GNG7: variants seen among roughly 807,000 people sequenced by gnomAD.
The protein encoded by GNG7 is guanine nucleotide-binding protein G(I)/G(S)/G(O) subunit gamma-7.
GNG7 carries 1 observed loss-of-function variant against 4.0 expected under a neutral mutation model. The observed-to-expected ratio is 0.25, with a 90% CI of 0.09 to 1.18. GNG7 has a LOEUF of 1.18. GNG7 is among the 50% of genes most tolerant of loss of function. The pLI is 0.50. For missense variants in GNG7, 86 were observed against 91.9 expected (o/e 0.94, Z 0.26); for synonymous variants, 34 against 36.9 (o/e 0.92, Z 0.29).
rs764093639 is a variant in GNG7, at chr19:2,626,207, G to A, written c.-78+20017C>T. Among the ~76,000 whole-genome samples, 32 of 152,118 alleles carry A rather than the reference G, an allele frequency of 2.1e-4. No homozygotes were observed. Among genetic ancestry groups the A allele is most frequent in the Non-Finnish European group, 4.0e-4 (27 of 68,024 alleles). On this transcript the variant is annotated intron_variant, in intron 2 of 4. Transcript: ENST00000382159. This position sits in a 1 kb window ranked among gnomAD's most constrained non-coding sequence, Gnocchi z 5.0. Reference sequence around the variant, plus strand: ...GCCCACCTGACCCCGTGTCTCCAGCGGGAACGTGAAGCTGATGCTGCTCCC... The same window carrying A: ...GCCCACCTGACCCCGTGTCTCCAGCAGGAACGTGAAGCTGATGCTGCTCCC...
At chr19:2,665,756 C>A (rs1467390817) in intron 1 of GNG7, among the ~76,000 whole-genome samples, 1 of 152,198 alleles carries the variant, frequency 6.6e-6, no homozygotes, top group South Asian at 2.1e-4. Flanking sequence ...TTGGAGATTA[C>A]ATAAATGAGT....
chr19:2,614,412 C>A lies in GNG7; in HGVS notation c.-78+31812G>T, dbSNP rs1324008913. Among the ~76,000 whole-genome samples, 3 of 152,130 alleles carry A rather than the reference C, an allele frequency of 2.0e-5. No homozygotes were observed. The highest frequency in any genetic ancestry group is 2.9e-5 in the Non-Finnish European group (2 of 68,004). On this transcript the variant is annotated intron_variant, in intron 2 of 4. Coordinates refer to ENST00000382159, the MANE Select transcript of GNG7 (RefSeq NM_052847.3). The surrounding 1 kb of genome is among the most constrained non-coding windows in gnomAD (Gnocchi z 6.0). The stretch of plus-strand genomic sequence containing the variant: ...TAGCTCTAGAACATTCTCAGCCCCC[C>A]AAAAAGACACCCCATCCCTATCAGC...
intron 1 of GNG7, among the ~76,000 whole-genome samples, chr19:2,679,376 T>C (rs1339618513): frequency 6.6e-6 from 1 of 152,068 alleles, no homozygotes; most frequent in East Asian, 1.9e-4. Flanking sequence ...ACATAATATA[T>C]TGAATAATAT....
chr19:2,640,808 T>C (rs1387863488), intron 2 of GNG7, among the ~76,000 whole-genome samples: 3 of 152,124 alleles, frequency 2.0e-5, no homozygotes, highest in Admixed American at 2.0e-4. Context: ...TTTAATTTTT[T>C]TGTAGAGATG....
At chr19:2,698,216 G>T (rs1449457113) in intron 1 of GNG7, among the ~76,000 whole-genome samples, 1 of 145,794 alleles carries the variant, frequency 6.9e-6, no homozygotes, top group Non-Finnish European at 1.5e-5. Context: ...GCAGTGAGCC[G>T]AGATCGCACC....
intron 2 of GNG7, among the ~76,000 whole-genome samples, chr19:2,590,032 G>A (rs1409598884): frequency 1.3e-5 from 2 of 152,116 alleles, no homozygotes; most frequent in South Asian, 2.1e-4. Flanking sequence ...GGCTGGTCTC[G>A]AACTCCTGAC....
At position 2,546,558 on chromosome 19, in the gene GNG7, T is replaced by C. The variant is rs887446801; in HGVS notation, c.-38+8591A>G. On this transcript the variant is annotated intron_variant, in intron 3 of 4. Transcript: ENST00000382159. This position sits in a 1 kb window ranked among gnomAD's most constrained non-coding sequence, Gnocchi z 6.3. ...GCTAAATCGGTCCCCGGGGCAGCTA[T>C]ATTTAGAAGGGGCTAAAGAGAGGGA... is the stretch of plus-strand genomic sequence containing the variant. Among the ~76,000 whole-genome samples, 3 of 152,106 alleles carry C rather than the reference T, an allele frequency of 2.0e-5. No individual in the cohort carries two copies. The highest frequency in any genetic ancestry group is 7.2e-5 in the African/African-American group (3 of 41,428).
At chr19:2,684,017 T>C (rs1462146077) in intron 1 of GNG7, among the ~76,000 whole-genome samples, 1 of 152,002 alleles carries the variant, frequency 6.6e-6, no homozygotes, top group East Asian at 1.9e-4. Context: ...AGCAAGTCTA[T>C]GGGTTTAAAA....
intron 2 of GNG7, among the ~76,000 whole-genome samples, chr19:2,581,295 TG>T (rs1312203610): frequency 3.3e-4 from 7 of 21,074 alleles, no homozygotes; most frequent in Admixed American, 2.0e-3. Context: ...GACAGACTGA[TG>T]GGGGGGGCCG....
chr19:2,567,175 A>C (rs549844707), intron 2 of GNG7, among the ~76,000 whole-genome samples: 2 of 151,834 alleles, frequency 1.3e-5, no homozygotes, highest in South Asian at 2.1e-4. Context: ...ATAACAAAAA[A>C]CCCACACTGT....
intron 1 of GNG7, among the ~76,000 whole-genome samples, chr19:2,658,192 T>C (rs1021214549): frequency 2.6e-5 from 4 of 152,166 alleles, no homozygotes; most frequent in African/African-American, 7.2e-5. Flanking sequence ...ACAGACCCTA[T>C]AGGGCTGGAC....
rs766555405 is a variant in GNG7, at chr19:2,514,985, AAAGAG to A, written c.*32_*36del. The A allele has an allele frequency of 2.9e-5, 39 of 1,342,562 alleles. No individual in the cohort carries two copies. The highest frequency in any genetic ancestry group is 3.8e-5 in the Non-Finnish European group (36 of 959,128). The allele number at this position is 1,342,562 out of a possible 1,614,324, so 83.2% of individuals were successfully genotyped here. ...GACAGAGACAGAGAGAGAGAGAGAG[AAAGAG>A]AGAGAGAGAGAGAGAACATATGAGA... is the stretch of plus-strand genomic sequence containing the variant. On this transcript the variant is annotated 3_prime_UTR_variant, in exon 5 of 5. Coordinates refer to ENST00000382159, the MANE Select transcript of GNG7 (RefSeq NM_052847.3).
intron 1 of GNG7, among the ~76,000 whole-genome samples, chr19:2,671,618 G>A (rs1238920065): frequency 6.6e-6 from 1 of 152,018 alleles, no homozygotes; most frequent in African/African-American, 2.4e-5. Context: ...CGGGTAGCAT[G>A]CGGAGCCCCA....
chr19:2,701,484 TTTCTG>T (rs1395617863), intron 1 of GNG7, among the ~76,000 whole-genome samples: 1 of 65,520 alleles, frequency 1.5e-5, no homozygotes, highest in Non-Finnish European at 2.9e-5. Context: ...CCCCAGACCC[TTTCTG>T]GAACAAGCCT....
At position 2,629,699 on chromosome 19, in the gene GNG7, C is replaced by T. The variant is rs539512019; in HGVS notation, c.-78+16525G>A. Among the ~76,000 whole-genome samples the T allele has an allele frequency of 4.6e-5, 7 of 152,284 alleles. No individual in the cohort carries two copies. The South Asian group carries it at 6.2e-4, about 14-fold the overall frequency. ...GATTGGAACCTGGCACCCACATCAA[C>T]GGTCAAAGTCTAGATGGTTTTGTTT... On this transcript the variant is annotated intron_variant, in intron 2 of 4. Coordinates refer to ENST00000382159, the MANE Select transcript of GNG7 (RefSeq NM_052847.3).
At chr19:2,595,396 T>G (rs1031174640) in intron 2 of GNG7, 1 of 151,822 alleles carries the variant, frequency 6.6e-6, no homozygotes, top group South Asian at 2.1e-4. Flanking sequence ...CCTCCCAAAG[T>G]GCTGGGATTA....
At chr19:2,565,903 A>G (rs1225285992) in intron 2 of GNG7, among the ~76,000 whole-genome samples, 1 of 152,178 alleles carries the variant, frequency 6.6e-6, no homozygotes, top group East Asian at 1.9e-4. Flanking sequence ...CACGCCTGTT[A>G]TCCCAGCACT....
rs990931251 is a variant in GNG7 at position 2,513,697 on chromosome 19, C to G, written c.*1325G>C. The G allele has an allele frequency of 8.3e-5, 26 of 315,148 alleles. No homozygotes were observed. The highest frequency in any genetic ancestry group is 1.2e-4 in the Non-Finnish European group (26 of 217,562). 19.5% of individuals were successfully genotyped at this position (315,148 alleles called of 1,614,324 possible). A position where few individuals can be genotyped will look rare whatever the true frequency, so the allele number is the denominator to read the frequency against. On this transcript the variant is annotated 3_prime_UTR_variant, in exon 5 of 5. Coordinates refer to ENST00000382159, the MANE Select transcript of GNG7 (RefSeq NM_052847.3). ...GCGGACGTTTTGATCTCCGGGACAA[C>G]GTCTCACCTCCCAGAGTCCTTCAGA...
chr19:2,589,731 G>A (rs754792364), intron 2 of GNG7, among the ~76,000 whole-genome samples: 10 of 152,142 alleles, frequency 6.6e-5, no homozygotes, highest in African/African-American at 2.2e-4. Flanking sequence ...CACTGCATAC[G>A]CACTACAACG....
Sources: gnomAD v4.1 joint callset for allele counts (sites outside exome capture counted in the v4.1 genomes callset) on GRCh38, gnomAD v4.1.1 for gene constraint, Gnocchi (gnomAD v3.1) non-coding constraint, MANE v1.5 for transcripts, NCBI Gene and HGNC (gene_info 2026-07-23, HGNC 2026-07-21) for gene names.